The following PALS1 variants were observed in gnomAD, a reference collection of about 807,000 sequenced individuals.
The protein encoded by PALS1 is protein PALS1.
PALS1 carries 31 observed loss-of-function variants against 78.9 expected under a neutral mutation model. The ratio of observed to expected loss-of-function variants is 0.39; its 90% CI spans 0.30 to 0.53. The LOEUF is 0.53. Among genes scored for constraint, PALS1 ranks in the 20% least tolerant of loss-of-function variants. The pLI is 0.67. For missense variants in PALS1, 704 were observed against 826.5 expected (o/e 0.85, Z 1.82); for synonymous variants, 276 against 270.9 (o/e 1.02, Z -0.18).
intron 1 of PALS1, among the ~76,000 whole-genome samples, chr14:67,262,133 C>T (rs933636890): frequency 6.6e-6 from 1 of 152,034 alleles, no homozygotes; most frequent in Non-Finnish European, 1.5e-5. Flanking sequence ...GACCTGTCTA[C>T]CTTTCAGGGC....
intron 3 of PALS1, chr14:67,279,801 A>T: frequency 2.8e-6 from 1 of 363,154 alleles, no homozygotes; most frequent in Non-Finnish European, 4.9e-6. Context: ...CCTAACATTT[A>T]AAGCCTTGAA....
At chr14:67,325,710 A>G (rs1307646136) in intron 14 of PALS1, among the ~76,000 whole-genome samples, 3 of 152,106 alleles carry the variant, frequency 2.0e-5, no homozygotes, top group African/African-American at 7.2e-5. Flanking sequence ...ACTTCCTAAC[A>G]TGCACACTTA....
intron 2 of PALS1, among the ~76,000 whole-genome samples, chr14:67,274,745 C>T (rs2084470669): frequency 2.0e-5 from 3 of 151,988 alleles, no homozygotes; most frequent in South Asian, 2.1e-4. Flanking sequence ...TGATTCTTCC[C>T]ATCCATGAGC....
intron 3 of PALS1, among the ~76,000 whole-genome samples, chr14:67,290,827 G>A (rs75462059): frequency 1.3e-5 from 2 of 152,106 alleles, no homozygotes; most frequent in Non-Finnish European, 2.9e-5. Flanking sequence ...GAGCCACTGC[G>A]CCTGGCCAGG....
At chr14:67,274,940 T>C (rs572575738) in intron 2 of PALS1, among the ~76,000 whole-genome samples, 1 of 152,324 alleles carries the variant, frequency 6.6e-6, no homozygotes, top group African/African-American at 2.4e-5. Context: ...TATTGGTGTA[T>C]AAGAATGCTT....
chr14:67,281,090 G>A (rs2084603762), intron 3 of PALS1, among the ~76,000 whole-genome samples: 2 of 151,638 alleles, frequency 1.3e-5, no homozygotes, highest in Admixed American at 6.6e-5. Flanking sequence ...GTAGAGACCG[G>A]GTTTCACCAT....
At chr14:67,328,308 T>C (rs1236116277) in intron 14 of PALS1, among the ~76,000 whole-genome samples, 3 of 152,250 alleles carry the variant, frequency 2.0e-5, no homozygotes, top group African/African-American at 7.2e-5. Flanking sequence ...TCATATCCTT[T>C]GCCCACTTTT....
intron 3 of PALS1, among the ~76,000 whole-genome samples, chr14:67,286,104 G>A (rs2084681729): frequency 6.6e-6 from 1 of 152,194 alleles, no homozygotes; most frequent in African/African-American, 2.4e-5. Context: ...GAAATTCCTT[G>A]TAGGAAATTT....
intron 8 of PALS1, among the ~76,000 whole-genome samples, chr14:67,310,313 C>T (rs2085070506): frequency 1.3e-5 from 2 of 152,100 alleles, no homozygotes; most frequent in South Asian, 4.1e-4. Flanking sequence ...GGATGAGCCA[C>T]AACACTTTCA....
At chr14:67,281,734 T>A (rs2084611420) in intron 3 of PALS1, among the ~76,000 whole-genome samples, 1 of 152,128 alleles carries the variant, frequency 6.6e-6, no homozygotes, top group Non-Finnish European at 1.5e-5. Flanking sequence ...CGGATTCACT[T>A]AGTAAGAGAA....
At position 67,320,753 on chromosome 14, in the gene PALS1, G is replaced by C. The variant is rs571647563; in HGVS notation, c.1538-304G>C. ...AGATTATATGGTACCTAATCTTATG[G>C]AGATAAACTTTAGGAGAAGATGAGT... On this transcript the variant is annotated intron_variant, in intron 12 of 14. Coordinates refer to ENST00000261681, the MANE Select transcript of PALS1 (RefSeq NM_022474.4). 7.9e-5 allele frequency among the ~76,000 whole-genome samples: 12 copies of C among 152,256 alleles called. No individual in the cohort carries two copies. In the East Asian group the frequency reaches 2.1e-3, roughly 27 times the overall value.
At position 67,329,789 on chromosome 14, in the gene PALS1, G is replaced by A. The variant is rs541924492; in HGVS notation, c.1852-2991G>A. ...ACTGGCTACTGAAGAGGCCGAGTTCGTGCTACTGCACTCCAGCCTGGGCAA... is the reference window on the plus strand; with the variant it reads ...ACTGGCTACTGAAGAGGCCGAGTTCATGCTACTGCACTCCAGCCTGGGCAA... On this transcript the variant is annotated intron_variant, in intron 14 of 14. Transcript: ENST00000261681. 2.6e-4 allele frequency among the ~76,000 whole-genome samples: 40 copies of A among 151,896 alleles called. No homozygotes were observed. In the East Asian group the frequency reaches 7.2e-3, roughly 27 times the overall value.
intron 4 of PALS1, among the ~76,000 whole-genome samples, chr14:67,299,650 G>A (rs527460574): frequency 1.6e-4 from 25 of 152,266 alleles, no homozygotes; most frequent in African/African-American, 3.1e-4. Flanking sequence ...CCTTAACACC[G>A]TTGTAGAAGT....
At chr14:67,309,003 A>G (rs981378271) in intron 8 of PALS1, among the ~76,000 whole-genome samples, 1 of 152,068 alleles carries the variant, frequency 6.6e-6, no homozygotes, top group Non-Finnish European at 1.5e-5. Context: ...GCTTATAGAT[A>G]TTAAAAAAAG....
At chr14:67,291,599 C>G (rs2084775326) in intron 3 of PALS1, among the ~76,000 whole-genome samples, 2 of 152,124 alleles carry the variant, frequency 1.3e-5, no homozygotes, top group African/African-American at 4.8e-5. Context: ...TGCTTCTTAA[C>G]CATTTTAGAA....
chr14:67,300,379 AT>A (rs2084914703), intron 4 of PALS1, among the ~76,000 whole-genome samples: 1 of 145,488 alleles, frequency 6.9e-6, no homozygotes, highest in African/African-American at 2.7e-5. Context: ...CCAGGCTGGA[AT>A]GCAGTGGCGC....
At chr14:67,325,330 G>GAC (rs1555340953) in intron 14 of PALS1, among the ~76,000 whole-genome samples, 5 of 151,982 alleles carry the variant, frequency 3.3e-5, no homozygotes, top group Non-Finnish European at 1.5e-5. Flanking sequence ...GTTAAGAAAT[G>GAC]ATATATATAT....
At chr14:67,325,138 C>T (rs112733162) in intron 14 of PALS1, among the ~76,000 whole-genome samples, 1,868 of 152,098 alleles carry the variant, frequency 0.012, 41 homozygotes, top group African/African-American at 0.044. Flanking sequence ...ATCTCCTGAC[C>T]TTGTGATCCA....
intron 3 of PALS1, among the ~76,000 whole-genome samples, chr14:67,291,434 G>T (rs543386682): frequency 6.6e-6 from 1 of 152,066 alleles, no homozygotes; most frequent in African/African-American, 2.4e-5. Flanking sequence ...ACAGGTGCCC[G>T]CCACTGTTCC....
Sources: gnomAD v4.1 joint callset for allele counts (sites outside exome capture counted in the v4.1 genomes callset) on GRCh38, gnomAD v4.1.1 for gene constraint, MANE v1.5 for transcripts, NCBI Gene and HGNC (gene_info 2026-07-23, HGNC 2026-07-21) for gene names.